The following PRRC1 variants were observed in gnomAD, a reference collection of about 807,000 sequenced individuals.
The protein encoded by PRRC1 is proline rich coiled-coil 1.
PRRC1 carries 39 observed loss-of-function variants against 40.7 expected under a neutral mutation model. The ratio of observed to expected loss-of-function variants is 0.96; its 90% CI spans 0.74 to 1.25. The LOEUF (loss-of-function observed/expected upper bound fraction) is 1.25, where lower values mean the gene tolerates loss of function less well. Among genes scored for constraint, PRRC1 ranks in the 50% most tolerant of loss-of-function variants. The pLI is 0.00. For synonymous variants in PRRC1, 175 were observed against 193.3 expected (o/e 0.91, Z 0.79); for missense variants, 573 against 548.3 (o/e 1.05, Z -0.45).
At chr5:127,538,419 CAG>C (rs1305316286) in intron 6 of PRRC1, among the ~76,000 whole-genome samples, 1 of 152,048 alleles carries the variant, frequency 6.6e-6, no homozygotes, top group African/African-American at 2.4e-5. Flanking sequence ...AAGCAATAAA[CAG>C]AAACCTTTTC....
chr5:127,527,131 T>A (rs1183317760), intron 4 of PRRC1, among the ~76,000 whole-genome samples: 1 of 152,238 alleles, frequency 6.6e-6, no homozygotes, highest in African/African-American at 2.4e-5. Flanking sequence ...TTATTTCCCG[T>A]GTTTTATTTT....
chr5:127,517,924 G>A (rs1021900169), intron 1 of PRRC1, 148 bp downstream of exon 1: 11 of 152,358 alleles, frequency 7.2e-5, no homozygotes, highest in Admixed American at 7.2e-4. Context: ...TGTCGTTTGC[G>A]AGCCCCCTAG....
At chr5:127,526,541 T>G in intron 3 of PRRC1, 77 bp from the exon 4 acceptor site, 1 of 1,095,700 alleles carries the variant, frequency 9.1e-7, no homozygotes, top group South Asian at 1.9e-5. Context: ...AATATTAAAG[T>G]TGTTTGAGCC....
At chr5:127,549,843 T>C (rs1768327825) in intron 8 of PRRC1, 2 of 152,206 alleles carry the variant, frequency 1.3e-5, no homozygotes, top group South Asian at 4.1e-4. Context: ...AAGCCTAAAA[T>C]ATTTACCATC....
intron 6 of PRRC1, among the ~76,000 whole-genome samples, chr5:127,537,228 T>A (rs1257679665): frequency 6.6e-6 from 1 of 151,844 alleles, no homozygotes; most frequent in Non-Finnish European, 1.5e-5. Flanking sequence ...CCAAGTTGCT[T>A]AGTATAAGCT....
At chr5:127,524,447 C>A in intron 2 of PRRC1, 84 bp from the exon 3 acceptor site, 1 of 1,418,338 alleles carries the variant, frequency 7.1e-7, no homozygotes, top group Non-Finnish European at 9.5e-7. Flanking sequence ...AAAAATTTTG[C>A]AAGAAGAAAG....
chr5:127,541,887 C>G (rs1768058423), intron 7 of PRRC1, among the ~76,000 whole-genome samples: 1 of 151,388 alleles, frequency 6.6e-6, no homozygotes, highest in African/African-American at 2.4e-5. Flanking sequence ...CAGTTCTGCT[C>G]TGATTTTAGT....
intron 5 of PRRC1, among the ~76,000 whole-genome samples, chr5:127,532,352 C>G (rs906515226): frequency 1.3e-5 from 2 of 152,120 alleles, no homozygotes; most frequent in Non-Finnish European, 2.9e-5. Flanking sequence ...TTTGATCCTC[C>G]CGCCTAGGCC....
rs777681254 is a variant in PRRC1 at position 127,553,571 on chromosome 5, A to G, written c.*1655A>G. ...AGCTATCCTTTTCTAGTAGTATTTTATCATGGCAATGGCATGATGACAACA... is the reference window on the plus strand; with the variant it reads ...AGCTATCCTTTTCTAGTAGTATTTTGTCATGGCAATGGCATGATGACAACA... On this transcript the variant is annotated 3_prime_UTR_variant, in exon 9 of 9. Transcript: ENST00000296666. 3.9e-5 allele frequency: 50 copies of G among 1,267,110 alleles called. No individual in the cohort carries two copies. Among genetic ancestry groups the G allele is most frequent in the Non-Finnish European group, 4.6e-5 (46 of 1,001,222 alleles). The allele number at this position is 1,267,110 out of a possible 1,614,324, so 78.5% of individuals were successfully genotyped here.
At chr5:127,538,158 C>T (rs1401244093) in intron 6 of PRRC1, among the ~76,000 whole-genome samples, 4 of 151,930 alleles carry the variant, frequency 2.6e-5, no homozygotes, top group Non-Finnish European at 5.9e-5. Context: ...TACACGTTCT[C>T]GCACAGTTGT....
In PRRC1 at chr5:127,544,116, G is replaced by T. The variant is rs571589822; in HGVS notation, c.1026-3703G>T. On this transcript the variant is annotated intron_variant, in intron 7 of 8. Coordinates refer to ENST00000296666, the MANE Select transcript of PRRC1 (RefSeq NM_130809.5). ...AGACAGGACCCTCATCTGCAGGTCT[G>T]TTGGAGTTTGCTAGAGGTCCACTCC... is the stretch of plus-strand genomic sequence containing the variant. Among the ~76,000 whole-genome samples the T allele has an allele frequency of 1.1e-4, 17 of 152,342 alleles. No individual in the cohort carries two copies. The East Asian group carries it at 3.1e-3, about 28-fold the overall frequency.
Position 127,553,725 on chromosome 5 carries a change from C to T in PRRC1, c.*1809C>T. Reference sequence around the variant, plus strand: ...TAATTTTTCTTTGATTTTTATTTTACCAAGTCACAAATGTCTTTTTGATGT... The same window carrying T: ...TAATTTTTCTTTGATTTTTATTTTATCAAGTCACAAATGTCTTTTTGATGT... On this transcript the variant is annotated 3_prime_UTR_variant, in exon 9 of 9. Transcript: ENST00000296666. The T allele has an allele frequency of 6.7e-7, 1 of 1,502,698 alleles. No homozygotes were observed. Among genetic ancestry groups the T allele is most frequent in the Non-Finnish European group, 8.8e-7 (1 of 1,134,936 alleles). The allele number at this position is 1,502,698 out of a possible 1,614,324, so 93.1% of individuals were successfully genotyped here.
intron 4 of PRRC1, among the ~76,000 whole-genome samples, chr5:127,529,929 T>A (rs1324960108): frequency 1.3e-5 from 2 of 152,128 alleles, no homozygotes; most frequent in Non-Finnish European, 2.9e-5. Context: ...GGGACCTTTA[T>A]TTGGGACCCT....
intron 6 of PRRC1, among the ~76,000 whole-genome samples, chr5:127,534,536 A>C (rs569673430): frequency 6.6e-6 from 1 of 152,248 alleles, no homozygotes; most frequent in East Asian, 1.9e-4. Context: ...TTGATCATGC[A>C]CTTCTCTTTA....
chr5:127,525,728 G>T (rs1297540143), intron 3 of PRRC1, among the ~76,000 whole-genome samples: 1 of 152,090 alleles, frequency 6.6e-6, no homozygotes, highest in Admixed American at 6.5e-5. Context: ...ATTAAAATAA[G>T]GCTGGTATAA....
intron 6 of PRRC1, among the ~76,000 whole-genome samples, chr5:127,535,981 A>G (rs1767891337): frequency 6.6e-6 from 1 of 152,172 alleles, no homozygotes; most frequent in South Asian, 2.1e-4. Context: ...CTCACATACC[A>G]CAAAACCACT....
chr5:127,521,887 G>C (rs1404669759), intron 1 of PRRC1, among the ~76,000 whole-genome samples: 2 of 152,058 alleles, frequency 1.3e-5, no homozygotes, highest in East Asian at 3.9e-4. Context: ...CGGTTTATCT[G>C]TGACTTATTT....
chr5:127,529,004 A>G (rs1487204769), intron 4 of PRRC1, among the ~76,000 whole-genome samples: 1 of 152,134 alleles, frequency 6.6e-6, no homozygotes, highest in South Asian at 2.1e-4. Flanking sequence ...TGAGGTGGGG[A>G]TGTGGAACAT....
chr5:127,536,877 C>T (rs538184856), intron 6 of PRRC1, among the ~76,000 whole-genome samples: 1 of 151,352 alleles, frequency 6.6e-6, no homozygotes, highest in African/African-American at 2.4e-5. Context: ...TATTTTTTTT[C>T]AGAAACAGTA....
Sources: allele counts gnomAD v4.1 joint callset (sites outside exome capture counted in the v4.1 genomes callset), GRCh38; gene constraint gnomAD v4.1.1; transcripts MANE v1.5; gene names NCBI Gene and HGNC (gene_info 2026-07-23, HGNC 2026-07-21).